NDUFA10: variants seen among roughly 807,000 people sequenced by gnomAD.
NDUFA10 encodes NADH:ubiquinone oxidoreductase subunit A10.
A neutral mutation model predicts 47.8 loss-of-function variants in NDUFA10; 40 were observed. The observed-to-expected ratio is 0.84, with a 90% CI of 0.65 to 1.09. The LOEUF is 1.09. Ranked by LOEUF, NDUFA10 falls within the 50% of genes least tolerant of loss-of-function variation. The probability of loss-of-function intolerance (pLI) is 0.00; values close to 1 mark genes in which losing one functional copy is unlikely to be tolerated. For missense variants in NDUFA10, 413 were observed against 451.1 expected, an observed-to-expected ratio of 0.92 and a Z score of 0.76; for synonymous variants, 183 against 172.2, an observed-to-expected ratio of 1.06 and a Z score of -0.49.
At chr2:239,981,722 G>A (rs1695782324) in intron 9 of NDUFA10, among the ~76,000 whole-genome samples, 1 of 152,132 alleles carries the variant, frequency 6.6e-6, no homozygotes, top group African/African-American at 2.4e-5. Context: ...GCAACGTCCT[G>A]GGCATGTTAC....
At chr2:240,024,975 C>G (rs956677144) in intron 1 of NDUFA10, among the ~76,000 whole-genome samples, 2 of 76,164 alleles carry the variant, frequency 2.6e-5, no homozygotes, top group Non-Finnish European at 5.1e-5. Context: ...AGCCTCGGGG[C>G]CCTGATCACC....
chr2:240,018,781 AT>A, intron 3 of NDUFA10, 142 bp from the exon 4 acceptor site: 1 of 996,154 alleles, frequency 1.0e-6, no homozygotes, highest in East Asian at 2.6e-5. Context: ...GAACATAGAC[AT>A]ATTTGTAAGT....
chr2:239,983,673 C>T (rs751546280), intron 9 of NDUFA10: 1 of 1,577,162 alleles, frequency 6.3e-7, no homozygotes, highest in Admixed American at 1.8e-5. Context: ...CCTGATGCTT[C>T]ACCTCTGTGG....
In NDUFA10 at chr2:240,025,117, A is replaced by C. The variant is rs1292778427; in HGVS notation, c.75+110T>G. 4 of 1,138,304 alleles carry C rather than the reference A, an allele frequency of 3.5e-6. No homozygotes were observed. The African/African-American group carries it at 6.6e-5, about 19-fold the overall frequency. 70.5% of individuals were successfully genotyped at this position (1,138,304 alleles called of 1,614,324 possible). A position where few individuals can be genotyped will look rare whatever the true frequency, so the allele number is the denominator to read the frequency against. On this transcript the variant is annotated intron_variant, in intron 1 of 9. Coordinates refer to ENST00000252711, the MANE Select transcript of NDUFA10 (RefSeq NM_004544.4). ...AGGGGTCCCCCAAACCCACCCGGAG[A>C]GCGACCTGGGAGCCGCCGCCAGAGG...
chr2:239,997,656 G>A (rs1050073048), intron 8 of NDUFA10, among the ~76,000 whole-genome samples: 3 of 152,182 alleles, frequency 2.0e-5, no homozygotes, highest in African/African-American at 7.2e-5. Flanking sequence ...ACTGTATTAT[G>A]AACATGAAGA....
intron 9 of NDUFA10, among the ~76,000 whole-genome samples, chr2:239,964,237 T>G (rs1280547185): frequency 6.6e-6 from 1 of 151,976 alleles, no homozygotes; most frequent in Non-Finnish European, 1.5e-5. Context: ...GTTATCTGGG[T>G]GGGCCCCAGG....
At chr2:239,924,016 A>C (rs1386132675) in intron 4 of NDUFA10, among the ~76,000 whole-genome samples, 1 of 152,158 alleles carries the variant, frequency 6.6e-6, no homozygotes, top group Non-Finnish European at 1.5e-5. Flanking sequence ...CAATTACTTG[A>C]AAACTACAGC....
intron 9 of NDUFA10, 47 bp from the exon 10 acceptor site, chr2:239,961,233 T>A (rs1355908417): frequency 1.2e-6 from 2 of 1,613,730 alleles, no homozygotes; most frequent in African/African-American, 1.3e-5. Context: ...CGTGAATGAA[T>A]GTTTCCCCAG....
rs1233114535 is a variant in NDUFA10 at position 239,915,906 on chromosome 2, TAC to T, written c.295-20594_295-20593del. Reference sequence around the variant, plus strand: ...ACAGAGAGACACACAGAGATACACATACACACACAGCACACACACATACACAG... The same window carrying T: ...ACAGAGAGACACACAGAGATACACATACACACAGCACACACACATACACAG... On this transcript the variant is annotated intron_variant, in intron 4 of 5. Transcript: ENST00000419408. Among the ~76,000 whole-genome samples the T allele has an allele frequency of 5.4e-5, 5 of 92,656 alleles. 1 individual carries two copies. The South Asian group carries it at 1.4e-3, about 26-fold the overall frequency. The allele number at this position is 92,656 out of a possible 152,430, so 60.8% of individuals were successfully genotyped here. A position where few individuals can be genotyped will look rare whatever the true frequency, so the allele number is the denominator to read the frequency against.
At chr2:239,940,353 T>C (rs545188340) in intron 4 of NDUFA10, among the ~76,000 whole-genome samples, 1 of 152,334 alleles carries the variant, frequency 6.6e-6, no homozygotes, top group African/African-American at 2.4e-5. Flanking sequence ...GATCTCACCA[T>C]AGCTTATCAT....
rs371719419 is a variant in NDUFA10 at position 240,011,376 on chromosome 2, CA to C, written c.749+240del. Among the ~76,000 whole-genome samples the C allele has an allele frequency of 7.0e-4, 106 of 152,306 alleles. 2 individuals are homozygous for C. The East Asian group carries it at 0.018, about 25-fold the overall frequency. ...GTTTACTTCTAGCATCAAAAAACTT[CA>C]GAAATATAGCAGAGCAAAAGTACTG... On this transcript the variant is annotated intron_variant, in intron 6 of 9. Transcript: ENST00000252711.
intron 4 of NDUFA10, among the ~76,000 whole-genome samples, chr2:239,905,773 A>G (rs1365685500): frequency 6.9e-6 from 1 of 145,478 alleles, no homozygotes; most frequent in Non-Finnish European, 1.5e-5. Flanking sequence ...GAGGCTAATT[A>G]TCTCTGAAGA....
Position 240,022,314 on chromosome 2 carries a change from G to A in NDUFA10, c.102C>T (p.Cys34=). 1 of 1,614,052 alleles carries A rather than the reference G, an allele frequency of 6.2e-7. No individual in the cohort carries two copies. The highest frequency in any genetic ancestry group is 8.5e-7 in the Non-Finnish European group (1 of 1,180,000). Residue 34 remains cysteine, a synonymous_variant, in exon 2 of 10, where the codon TGC becomes TGT. Transcript: ENST00000252711. Reference sequence around the variant, plus strand: ...AATGCCACATTCCATAGCGCAGTTTGCACTGCACACTGCTATGAATTCCTC... The same window carrying A: ...AATGCCACATTCCATAGCGCAGTTTACACTGCACACTGCTATGAATTCCTC... The part of the protein sequence containing the change: ...RVRGIHSSVQ[C]KLRYGMWHFL...
At chr2:239,929,344 G>A (rs553466533) in intron 4 of NDUFA10, among the ~76,000 whole-genome samples, 1 of 152,330 alleles carries the variant, frequency 6.6e-6, no homozygotes, top group South Asian at 2.1e-4. Flanking sequence ...AGAATGGGAA[G>A]GAGGGGCCAG....
intron 9 of NDUFA10, among the ~76,000 whole-genome samples, chr2:239,971,211 A>G (rs1695291746): frequency 6.6e-6 from 1 of 152,256 alleles, no homozygotes; most frequent in Admixed American, 6.5e-5. Context: ...GATAGTAGAT[A>G]TATCTCAGGA....
intron 8 of NDUFA10, among the ~76,000 whole-genome samples, chr2:239,999,986 T>A (rs1350206180): frequency 6.6e-6 from 1 of 152,212 alleles, no homozygotes; most frequent in African/African-American, 2.4e-5. Flanking sequence ...CACAGCGCCG[T>A]GGCTCAGCGC....
rs752513955 is a variant in NDUFA10, at chr2:239,915,443, CACAG to C, written c.295-20133_295-20130del. Among the ~76,000 whole-genome samples the C allele has an allele frequency of 1.3e-4, 19 of 146,366 alleles. No homozygotes were observed. In the South Asian group the frequency reaches 2.8e-3, roughly 21 times the overall value. On this transcript the variant is annotated intron_variant, in intron 4 of 5. Transcript: ENST00000419408. ...ACAGACACAAATATACAGACACACACACAGAGAGACAGAGATACACATACATACA... is the reference window on the plus strand; with the variant it reads ...ACAGACACAAATATACAGACACACACAGAGACAGAGATACACATACATACA...
At chr2:239,982,235 A>G in intron 9 of NDUFA10, 1 of 1,612,618 alleles carries the variant, frequency 6.2e-7, no homozygotes, top group Non-Finnish European at 8.5e-7. Flanking sequence ...AGGTTAGACG[A>G]AACAATTCTG....
At chr2:240,003,844 C>G (rs1696829973) in intron 8 of NDUFA10, among the ~76,000 whole-genome samples, 1 of 152,046 alleles carries the variant, frequency 6.6e-6, no homozygotes, top group Non-Finnish European at 1.5e-5. Flanking sequence ...CAGCACCAGC[C>G]AGGACAGAAG....
Sources: allele counts gnomAD v4.1 joint callset (sites outside exome capture counted in the v4.1 genomes callset), GRCh38; gene constraint gnomAD v4.1.1; transcripts MANE v1.5; gene names NCBI Gene and HGNC (gene_info 2026-07-23, HGNC 2026-07-21).